The following CDKN2B-AS1 variants were observed in gnomAD, a reference collection of about 807,000 sequenced individuals.
CDKN2B-AS1 encodes CDKN2B antisense RNA 1 (non-protein coding).
chr9:22,115,233 GT>G (rs1825917587), intron 4 of CDKN2B-AS1, among the ~76,000 whole-genome samples: 2 of 152,212 alleles, frequency 1.3e-5, no homozygotes, highest in Admixed American at 1.3e-4. Context: ...TTTACATTAT[GT>G]TGTGCATGAC....
chr9:22,097,307 C>G (rs989406685), intron 4 of CDKN2B-AS1: 2 of 152,092 alleles, frequency 1.3e-5, no homozygotes, highest in African/African-American at 4.8e-5. Flanking sequence ...ATGAGGAGCA[C>G]AGTGATTAAA....
At chr9:22,069,608 C>T (rs957957251) in intron 4 of CDKN2B-AS1, among the ~76,000 whole-genome samples, 1 of 151,892 alleles carries the variant, frequency 6.6e-6, no homozygotes, top group Non-Finnish European at 1.5e-5. Context: ...TATAATAATC[C>T]AATCAAGGTA....
chr9:22,075,072 A>G (rs1008148766), intron 4 of CDKN2B-AS1, among the ~76,000 whole-genome samples: 6 of 152,244 alleles, frequency 3.9e-5, no homozygotes, highest in Non-Finnish European at 7.3e-5. Flanking sequence ...TCTTCTTTAA[A>G]TACATTTACT....
rs142465000 is a variant in CDKN2B-AS1 at position 22,107,967 on chromosome 9, G to A, written n.439-19136G>A. Among the ~76,000 whole-genome samples the A allele has an allele frequency of 4.5e-3, 682 of 152,308 alleles. 8 individuals carry two copies. Among genetic ancestry groups the A allele is most frequent in the African/African-American group, 0.015 (641 of 41,562 alleles). ...TAAGAAACAAACCAGCCGTCAATGG[G>A]AAAGTTAACTAAAATGAAGAACCCA... On this transcript the variant is annotated intron_variant and non_coding_transcript_variant, in intron 4 of 4. Transcript: ENST00000650946.
At chr9:22,085,962 A>C (rs1479499837) in intron 4 of CDKN2B-AS1, among the ~76,000 whole-genome samples, 2 of 151,956 alleles carry the variant, frequency 1.3e-5, no homozygotes, top group Non-Finnish European at 2.9e-5. Flanking sequence ...GTATTTGGCA[A>C]CACAAACCCT....
chr9:22,110,651 A>G (rs1441526044), intron 4 of CDKN2B-AS1, among the ~76,000 whole-genome samples: 5 of 152,164 alleles, frequency 3.3e-5, no homozygotes, highest in African/African-American at 9.6e-5. Flanking sequence ...ATCATTGTGT[A>G]TAAGTGCGTA....
chr9:22,090,986 C>G (rs1825061115), intron 4 of CDKN2B-AS1, among the ~76,000 whole-genome samples: 1 of 152,152 alleles, frequency 6.6e-6, no homozygotes. Flanking sequence ...TTTAATCCAT[C>G]TTGAACTAAT....
At chr9:22,070,678 T>C (rs928026448) in intron 4 of CDKN2B-AS1, among the ~76,000 whole-genome samples, 3 of 152,212 alleles carry the variant, frequency 2.0e-5, no homozygotes, top group African/African-American at 7.2e-5. Context: ...GCTGAAATGT[T>C]GGCACATGGT....
At chr9:22,086,955 C>T (rs920787572) in intron 4 of CDKN2B-AS1, among the ~76,000 whole-genome samples, 1 of 152,234 alleles carries the variant, frequency 6.6e-6, no homozygotes, top group African/African-American at 2.4e-5. Context: ...TTAATGCACA[C>T]TATGGCAAGC....
At chr9:22,056,617 G>A (rs1317588172) in intron 4 of CDKN2B-AS1, among the ~76,000 whole-genome samples, 3 of 152,020 alleles carry the variant, frequency 2.0e-5, no homozygotes, top group African/African-American at 7.2e-5. Context: ...AATCTTCTTG[G>A]CCACAGTTTC....
At chr9:22,004,921 T>C (rs573026381) in intron 1 of CDKN2B-AS1, 4 of 233,340 alleles carry the variant, frequency 1.7e-5, no homozygotes, top group African/African-American at 6.6e-5. Context: ...TCTAGGCGTT[T>C]GCACTGAGTT....
intron 3 of CDKN2B-AS1, among the ~76,000 whole-genome samples, chr9:22,050,677 T>A (rs1382689245): frequency 6.6e-6 from 1 of 152,186 alleles, no homozygotes; most frequent in Non-Finnish European, 1.5e-5. Context: ...AAGTCTGTAC[T>A]AAGACAATTG....
intron 3 of CDKN2B-AS1, among the ~76,000 whole-genome samples, chr9:22,053,409 A>G (rs1823434960): frequency 6.6e-6 from 1 of 152,246 alleles, no homozygotes; most frequent in African/African-American, 2.4e-5. Flanking sequence ...AGAAAATCAT[A>G]AAGCTAAACA....
chr9:22,016,050 G>C (rs1010586378), intron 1 of CDKN2B-AS1, among the ~76,000 whole-genome samples: 2 of 152,144 alleles, frequency 1.3e-5, no homozygotes, highest in African/African-American at 4.8e-5. Context: ...TAGGTTGCCT[G>C]TTCACTCTGA....
intron 4 of CDKN2B-AS1, among the ~76,000 whole-genome samples, chr9:22,110,928 T>A (rs1008886004): frequency 1.3e-5 from 2 of 152,148 alleles, no homozygotes; most frequent in Admixed American, 1.3e-4. Flanking sequence ...AATGTAATCC[T>A]ATAGTATGAA....
intron 4 of CDKN2B-AS1, among the ~76,000 whole-genome samples, chr9:22,082,555 G>C (rs1469637805): frequency 6.6e-6 from 1 of 152,136 alleles, no homozygotes; most frequent in African/African-American, 2.4e-5. Flanking sequence ...ATAGATAAAC[G>C]TATCATGATT....
intron 4 of CDKN2B-AS1, chr9:22,118,865 G>C (rs188068805): frequency 6.6e-6 from 1 of 152,026 alleles, no homozygotes; most frequent in African/African-American, 2.4e-5. Context: ...TTCATCACAC[G>C]AACTGCTGAA....
chr9:22,012,554 G>A (rs1314253985), intron 1 of CDKN2B-AS1: 18 of 558,882 alleles, frequency 3.2e-5, no homozygotes, highest in South Asian at 4.6e-5. Context: ...TTCCTTCCTC[G>A]GAGGGCAGCC....
chr9:22,037,605 C>G (rs542042217), intron 1 of CDKN2B-AS1, among the ~76,000 whole-genome samples: 88 of 152,120 alleles, frequency 5.8e-4, no homozygotes, highest in Admixed American at 1.2e-3. Context: ...TTAATTTTAA[C>G]TTTCCTCTTC....
Sources: allele counts gnomAD v4.1 joint callset (sites outside exome capture counted in the v4.1 genomes callset), GRCh38; gene constraint gnomAD v4.1.1; transcripts MANE v1.5; gene names NCBI Gene and HGNC (gene_info 2026-07-23, HGNC 2026-07-21).